PDK1: variants seen among roughly 807,000 people sequenced by gnomAD.
PDK1 encodes the protein pyruvate dehydrogenase kinase 1.
A neutral mutation model predicts 54.2 loss-of-function variants in PDK1; 39 were observed. That is an observed-to-expected ratio of 0.72 (90% CI 0.56 to 0.94). The LOEUF is 0.94. PDK1 is among the 40% of genes least tolerant of loss of function. The probability of loss-of-function intolerance (pLI) is 0.00; values close to 1 mark genes in which losing one functional copy is unlikely to be tolerated. For synonymous variants in PDK1, 221 were observed against 207.1 expected (o/e 1.07, Z -0.58); for missense variants, 552 against 566.0 (o/e 0.98, Z 0.25).
At chr2:172,621,154 A>G in the PDK1 span, among the ~76,000 whole-genome samples, 2 of 152,234 alleles carry the variant, frequency 1.3e-5, no homozygotes, top group Non-Finnish European at 2.9e-5. Flanking sequence ...CGTGGTGGTT[A>G]ATACTGACTG....
the PDK1 span, among the ~76,000 whole-genome samples, chr2:172,698,348 A>C: frequency 6.6e-6 from 1 of 152,072 alleles, no homozygotes. Flanking sequence ...CTGGTTTGTA[A>C]GTGTGACTCA....
the PDK1 span, among the ~76,000 whole-genome samples, chr2:172,634,303 C>T: frequency 6.4e-5 from 2 of 31,184 alleles, no homozygotes; most frequent in Non-Finnish European, 1.9e-4. Flanking sequence ...GACCGAGTCT[C>T]GCTCTGTCGC....
the PDK1 span, among the ~76,000 whole-genome samples, chr2:172,716,747 G>A: frequency 6.6e-6 from 1 of 152,006 alleles, no homozygotes; most frequent in Non-Finnish European, 1.5e-5. Context: ...ATTGCTAAAT[G>A]GAATTTTATT....
At chr2:172,680,947 A>G in the PDK1 span, among the ~76,000 whole-genome samples, 1 of 152,222 alleles carries the variant, frequency 6.6e-6, no homozygotes, top group African/African-American at 2.4e-5. Context: ...CTGTTGGCTC[A>G]TTCCTTAGCC....
chr2:172,580,328 A>G lies in PDK1; in HGVS notation c.946-5950A>G, dbSNP rs139685087. On this transcript the variant is annotated intron_variant, in intron 8 of 10. Transcript: ENST00000282077. Reference sequence around the variant, plus strand: ...TACTTTCCCGTTAAGGTTTACAGTCAAGAAAAGACCCATTGGTCTTCTGGT... The same window carrying G: ...TACTTTCCCGTTAAGGTTTACAGTCGAGAAAAGACCCATTGGTCTTCTGGT... Among the ~76,000 whole-genome samples the G allele has an allele frequency of 5.9e-3, 896 of 152,010 alleles. 5 individuals are homozygous for G. The highest frequency in any genetic ancestry group is 9.2e-3 in the Admixed American group (140 of 15,264).
intron 8 of PDK1, among the ~76,000 whole-genome samples, chr2:172,583,446 A>G (rs1217216479): frequency 6.6e-6 from 1 of 151,894 alleles, no homozygotes; most frequent in East Asian, 1.9e-4. Flanking sequence ...GGCGTGCACC[A>G]TGACGCCTGA....
chr2:172,656,837 C>A, the PDK1 span, among the ~76,000 whole-genome samples: 1 of 151,590 alleles, frequency 6.6e-6, no homozygotes, highest in African/African-American at 2.4e-5. Flanking sequence ...AAAAGTAATT[C>A]CCCCACCCAC....
the PDK1 span, among the ~76,000 whole-genome samples, chr2:172,636,293 A>C: frequency 6.6e-6 from 1 of 152,128 alleles, no homozygotes; most frequent in African/African-American, 2.4e-5. Flanking sequence ...GCTTCTAGTG[A>C]GGGCCTCAGC....
At chr2:172,611,309 C>T (rs11896178), downstream of PDK1, among the ~76,000 whole-genome samples, 27,049 of 152,058 alleles carry the variant, frequency 0.18, 2,896 homozygotes, top group African/African-American at 0.28. Flanking sequence ...GAGCAAAAAC[C>T]TCAAAAGTAC....
At chr2:172,661,913 G>A in the PDK1 span, among the ~76,000 whole-genome samples, 1 of 152,166 alleles carries the variant, frequency 6.6e-6, no homozygotes, top group African/African-American at 2.4e-5. Context: ...CAGGCAACAT[G>A]CCCATGTAAC....
the PDK1 span, chr2:172,677,014 A>C: frequency 6.6e-6 from 1 of 152,220 alleles, no homozygotes; most frequent in African/African-American, 2.4e-5. Context: ...TTTAGCAATA[A>C]AATATTTTAA....
At chr2:172,669,393 A>G in the PDK1 span, among the ~76,000 whole-genome samples, 1 of 152,218 alleles carries the variant, frequency 6.6e-6, no homozygotes, top group Non-Finnish European at 1.5e-5. Context: ...TCGTGTATAT[A>G]TAACACATTT....
At chr2:172,668,798 G>GTA in the PDK1 span, among the ~76,000 whole-genome samples, 3 of 108,444 alleles carry the variant, frequency 2.8e-5, no homozygotes, top group East Asian at 6.2e-4. Context: ...ATATGTATGT[G>GTA]TATATATATA....
the PDK1 span, among the ~76,000 whole-genome samples, chr2:172,713,587 G>A: frequency 2.0e-5 from 3 of 152,256 alleles, no homozygotes; most frequent in African/African-American, 7.2e-5. Flanking sequence ...ACCCAGCCCG[G>A]TTGTGACAGC....
the PDK1 span, among the ~76,000 whole-genome samples, chr2:172,665,288 G>C: frequency 2.0e-5 from 3 of 152,068 alleles, no homozygotes; most frequent in African/African-American, 7.2e-5. Context: ...GACTAGGGTG[G>C]ACCTAGACTT....
the PDK1 span, among the ~76,000 whole-genome samples, chr2:172,686,813 C>G: frequency 1.3e-5 from 2 of 152,232 alleles, no homozygotes; most frequent in Non-Finnish European, 2.9e-5. Context: ...ACATCTTGAT[C>G]TAAATCCATT....
rs1313987709 is a variant in PDK1 at position 172,597,649 on chromosome 2, G to T, written c.*1680G>T. 6.6e-6 allele frequency: 1 copy of T among 152,202 alleles called. No homozygotes were observed. The highest frequency in any genetic ancestry group is 1.9e-4 in the East Asian group (1 of 5,200). 9.4% of individuals were successfully genotyped at this position (152,202 alleles called of 1,614,324 possible). ...GTTGCTCAGAATTGGAGCAGAGCCT[G>T]AGACGTATCTGCAGATCCTGTCATC... is the stretch of plus-strand genomic sequence containing the variant. On this transcript the variant is annotated 3_prime_UTR_variant, in exon 11 of 11. Coordinates refer to ENST00000282077, the MANE Select transcript of PDK1 (RefSeq NM_002610.5).
At chr2:172,649,128 A>G in the PDK1 span, among the ~76,000 whole-genome samples, 1 of 152,166 alleles carries the variant, frequency 6.6e-6, no homozygotes, top group African/African-American at 2.4e-5. Context: ...CCCCTCTGAG[A>G]CGAAGCTTCC....
chr2:172,579,504 C>T (rs1268014049), intron 8 of PDK1, among the ~76,000 whole-genome samples: 5 of 150,050 alleles, frequency 3.3e-5, no homozygotes, highest in Admixed American at 6.7e-5. Flanking sequence ...ATGATTTTTG[C>T]ACCCCCCTCC....
Sources: allele counts gnomAD v4.1 joint callset (sites outside exome capture counted in the v4.1 genomes callset), GRCh38; gene constraint gnomAD v4.1.1; transcripts MANE v1.5; gene names NCBI Gene and HGNC (gene_info 2026-07-23, HGNC 2026-07-21).